RBFOX1: variants seen among roughly 807,000 people sequenced by gnomAD.
RBFOX1 encodes the protein RNA binding protein fox-1 homolog 1.
In RBFOX1, 8 loss-of-function variants were observed where a neutral mutation model predicts 57.7. That is an observed-to-expected ratio of 0.14 (90% CI 0.08 to 0.25). The LOEUF is 0.25. Ranked by LOEUF, RBFOX1 falls within the 10% of genes least tolerant of loss-of-function variation. The pLI is 1.00. For synonymous variants in RBFOX1, 326 were observed against 222.4 expected (o/e 1.47, Z -4.15); for missense variants, 611 against 548.5 (o/e 1.11, Z -1.14).
intron 3 of RBFOX1, among the ~76,000 whole-genome samples, chr16:5,719,498 C>T (rs776126399): frequency 3.6e-4 from 55 of 152,050 alleles, no homozygotes; most frequent in Non-Finnish European, 6.6e-4. Context: ...GCATGAGCCA[C>T]TGCCCTAGAA....
At chr16:6,868,576 A>G (rs111987556) in intron 3 of RBFOX1, among the ~76,000 whole-genome samples, 4 of 152,018 alleles carry the variant, frequency 2.6e-5, no homozygotes, top group South Asian at 4.2e-4. Context: ...GGTTCAAGCA[A>G]TTCTCCTGCT....
chr16:6,710,430 C>G (rs980055768), intron 3 of RBFOX1, among the ~76,000 whole-genome samples: 7 of 152,114 alleles, frequency 4.6e-5, no homozygotes, highest in African/African-American at 1.4e-4. Flanking sequence ...ATTTTACATT[C>G]TTTTTTTCAT....
rs368071188 is a variant in RBFOX1 at position 7,436,052 on chromosome 16, C to A, written c.28-82095C>A. 7.9e-5 allele frequency among the ~76,000 whole-genome samples: 12 copies of A among 152,240 alleles called. No homozygotes were observed. The South Asian group carries it at 2.1e-3, about 26-fold the overall frequency. On this transcript the variant is annotated intron_variant, in intron 4 of 15. Coordinates refer to ENST00000550418, the MANE Select transcript of RBFOX1 (RefSeq NM_018723.4). Reference sequence around the variant, plus strand: ...TGGGGCATGAAAGCTCCCTGAACATCGTGAGAATTTCTTTCCACAGATGCA... The same window carrying A: ...TGGGGCATGAAAGCTCCCTGAACATAGTGAGAATTTCTTTCCACAGATGCA...
chr16:5,410,512 C>G (rs896330114), intron 1 of RBFOX1, among the ~76,000 whole-genome samples: 1 of 152,116 alleles, frequency 6.6e-6, no homozygotes, highest in Non-Finnish European at 1.5e-5. Context: ...ATGAAATATA[C>G]CTTGTAAAGT....
chr16:5,416,578 A>C (rs1227905321), intron 1 of RBFOX1, among the ~76,000 whole-genome samples: 1 of 152,112 alleles, frequency 6.6e-6, no homozygotes, highest in Non-Finnish European at 1.5e-5. Context: ...CCTTGTAAAA[A>C]ATTTTCTTAT....
intron 3 of RBFOX1, among the ~76,000 whole-genome samples, chr16:5,863,618 A>G (rs1160464620): frequency 2.0e-5 from 3 of 152,192 alleles, no homozygotes; most frequent in African/African-American, 4.8e-5. Flanking sequence ...AATTTTGACT[A>G]TGAAATCCAC....
chr16:6,354,402 G>A (rs375670310), intron 2 of RBFOX1, among the ~76,000 whole-genome samples: 1 of 152,028 alleles, frequency 6.6e-6, no homozygotes, highest in Non-Finnish European at 1.5e-5. Context: ...TCACCTCTCC[G>A]CTTCCACTCT....
chr16:6,441,212 G>A (rs1384101920), intron 2 of RBFOX1, among the ~76,000 whole-genome samples: 1 of 152,056 alleles, frequency 6.6e-6, no homozygotes, highest in Non-Finnish European at 1.5e-5. Flanking sequence ...TAATGCCGCT[G>A]ATCTCAAGTG....
intron 2 of RBFOX1, among the ~76,000 whole-genome samples, chr16:6,607,714 A>T (rs1403417114): frequency 6.6e-6 from 1 of 152,058 alleles, no homozygotes; most frequent in East Asian, 1.9e-4. Flanking sequence ...AATAAGAAAT[A>T]ATTATTTTAG....
At chr16:6,572,343 G>C (rs1235827385) in intron 2 of RBFOX1, among the ~76,000 whole-genome samples, 5 of 152,100 alleles carry the variant, frequency 3.3e-5, no homozygotes, top group Non-Finnish European at 4.4e-5. Context: ...TTCTTAATGA[G>C]TATGTTCTGC....
intron 4 of RBFOX1, among the ~76,000 whole-genome samples, chr16:7,094,596 C>G (rs576697814): frequency 6.7e-6 from 1 of 150,370 alleles, no homozygotes; most frequent in Admixed American, 6.6e-5. Context: ...TCTTTGTTCC[C>G]TTGACTTGGG....
At chr16:6,053,164 A>T (rs77545366) in intron 1 of RBFOX1, among the ~76,000 whole-genome samples, 2 of 152,088 alleles carry the variant, frequency 1.3e-5, no homozygotes, top group African/African-American at 4.8e-5. Context: ...TTATTTGCAA[A>T]TTTTTGTGCC....
intron 4 of RBFOX1, among the ~76,000 whole-genome samples, chr16:7,113,800 G>C (rs57178136): frequency 1.3e-5 from 2 of 151,998 alleles, no homozygotes; most frequent in Non-Finnish European, 2.9e-5. Context: ...GGGCATTAAA[G>C]TTCCCTCCCG....
chr16:5,725,937 T>G (rs1219787442), intron 3 of RBFOX1, among the ~76,000 whole-genome samples: 1 of 152,022 alleles, frequency 6.6e-6, no homozygotes, highest in African/African-American at 2.4e-5. Flanking sequence ...TTTGCTGATG[T>G]GATGACATCC....
intron 14 of RBFOX1, chr16:7,693,376 C>G (rs1212697961): frequency 1.3e-6 from 2 of 1,581,268 alleles, no homozygotes; most frequent in Non-Finnish European, 1.7e-6. Flanking sequence ...AGGTAACAAA[C>G]GTTGCTACTT....
chr16:6,196,600 A>G (rs2097181521), intron 1 of RBFOX1, among the ~76,000 whole-genome samples: 1 of 152,168 alleles, frequency 6.6e-6, no homozygotes, highest in Non-Finnish European at 1.5e-5. Flanking sequence ...TCGGTCCCTG[A>G]AACTGGAAAT....
chr16:7,196,223 G>A (rs1330255655), intron 4 of RBFOX1, among the ~76,000 whole-genome samples: 5 of 152,068 alleles, frequency 3.3e-5, no homozygotes, highest in African/African-American at 9.7e-5. Context: ...TAATGATTCC[G>A]TTAACTCAGT....
chr16:5,469,395 G>A (rs914480863), intron 2 of RBFOX1, among the ~76,000 whole-genome samples: 2 of 152,218 alleles, frequency 1.3e-5, no homozygotes, highest in African/African-American at 4.8e-5. Context: ...TGGGGGAGCA[G>A]TTTATAACAT....
chr16:6,906,515 C>G (rs545146294), intron 3 of RBFOX1, among the ~76,000 whole-genome samples: 1 of 151,852 alleles, frequency 6.6e-6, no homozygotes, highest in South Asian at 2.1e-4. Context: ...TTTATATAAC[C>G]GCAATCTAAT....
Sources: allele counts gnomAD v4.1 joint callset (sites outside exome capture counted in the v4.1 genomes callset), GRCh38; gene constraint gnomAD v4.1.1; transcripts MANE v1.5; gene names NCBI Gene and HGNC (gene_info 2026-07-23, HGNC 2026-07-21).